Variants in DNM3 observed in about 807,000 individuals in gnomAD.
DNM3 encodes dynamin 3.
DNM3 carries 47 observed loss-of-function variants against 101.6 expected under a neutral mutation model. The observed-to-expected ratio is 0.46, with a 90% CI of 0.37 to 0.59. DNM3 has a LOEUF of 0.59. Among genes scored for constraint, DNM3 ranks in the 20% least tolerant of loss-of-function variants. The pLI, the probability that DNM3 is intolerant of heterozygous loss-of-function variation, is 0.00. For missense variants in DNM3, 849 were observed against 1,085.7 expected (o/e 0.78, Z 3.06); for synonymous variants, 385 against 387.9 (o/e 0.99, Z 0.09).
intron 16 of DNM3, among the ~76,000 whole-genome samples, chr1:172,318,021 T>A (rs1039631956): frequency 6.6e-6 from 1 of 152,098 alleles, no homozygotes; most frequent in African/African-American, 2.4e-5. Context: ...CAGCAGCACA[T>A]CAAAAAGCTT....
intron 1 of DNM3, among the ~76,000 whole-genome samples, chr1:171,911,575 G>A (rs1972340): frequency 0.27 from 40,458 of 152,092 alleles, 5,855 homozygotes; most frequent in Admixed American, 0.34. Flanking sequence ...GAGCCACTGT[G>A]CCTGGCCTCT....
At chr1:172,418,200 A>G in intron 20 of DNM3, 9 of 1,152,914 alleles carry the variant, frequency 7.8e-6, no homozygotes, top group Non-Finnish European at 1.0e-5. Flanking sequence ...GGTTTATTTT[A>G]TAATTTAAAC....
intron 17 of DNM3, among the ~76,000 whole-genome samples, chr1:172,349,315 A>T (rs995912448): frequency 1.3e-5 from 2 of 152,160 alleles, no homozygotes; most frequent in African/African-American, 4.8e-5. Context: ...CCTTTTGAGG[A>T]TTCTCGAAAT....
intron 10 of DNM3, among the ~76,000 whole-genome samples, chr1:172,059,924 C>A (rs1405640034): frequency 7.5e-6 from 1 of 132,732 alleles, no homozygotes; most frequent in Non-Finnish European, 1.6e-5. Flanking sequence ...TTGCAGACGA[C>A]ATGATTGTAT....
intron 16 of DNM3, among the ~76,000 whole-genome samples, chr1:172,319,418 C>T (rs965743944): frequency 6.6e-6 from 1 of 152,168 alleles, no homozygotes; most frequent in Non-Finnish European, 1.5e-5. Context: ...AGTTTCTGCA[C>T]AGCAAAAGAA....
At chr1:172,112,188 T>C (rs1255278435) in intron 13 of DNM3, among the ~76,000 whole-genome samples, 1 of 152,250 alleles carries the variant, frequency 6.6e-6, no homozygotes. Flanking sequence ...ATTTCTTACA[T>C]ACCAGCCTTG....
intron 2 of DNM3, among the ~76,000 whole-genome samples, chr1:171,961,249 A>C (rs752400867): frequency 6.6e-6 from 1 of 152,222 alleles, no homozygotes; most frequent in East Asian, 1.9e-4. Flanking sequence ...CCAGCAGTGC[A>C]CTCCAGCCTG....
At chr1:172,232,899 G>T (rs1266132304) in intron 14 of DNM3, among the ~76,000 whole-genome samples, 1 of 152,132 alleles carries the variant, frequency 6.6e-6, no homozygotes, top group African/African-American at 2.4e-5. Context: ...GTGTGTAGAG[G>T]GAAATTTATA....
Position 171,952,529 on chromosome 1 carries a change from C to T in DNM3, c.235+30708C>T, listed in dbSNP as rs139375447. Among the ~76,000 whole-genome samples, 659 of 152,216 alleles carry T rather than the reference C, an allele frequency of 4.3e-3. 4 individuals carry two copies. Among genetic ancestry groups the T allele is most frequent in the African/African-American group, 0.015 (608 of 41,524 alleles). Reference sequence around the variant, plus strand: ...ACATGTCCAACCTCCCTTTCCATCACGGCTGAGAATTCAAATTTTCAGGTT... The same window carrying T: ...ACATGTCCAACCTCCCTTTCCATCATGGCTGAGAATTCAAATTTTCAGGTT... On this transcript the variant is annotated intron_variant, in intron 2 of 20. Transcript: ENST00000627582.
chr1:171,917,808 G>A (rs2039836881), intron 1 of DNM3, among the ~76,000 whole-genome samples: 1 of 152,076 alleles, frequency 6.6e-6, no homozygotes, highest in Non-Finnish European at 1.5e-5. Context: ...TAAATCCAAA[G>A]TAATGCTAAA....
intron 11 of DNM3, among the ~76,000 whole-genome samples, chr1:172,073,276 T>A (rs960472195): frequency 1.1e-4 from 13 of 118,014 alleles, no homozygotes; most frequent in African/African-American, 4.2e-4. Flanking sequence ...TATATATGCT[T>A]ATATGTATAT....
intron 10 of DNM3, among the ~76,000 whole-genome samples, chr1:172,066,522 T>C (rs536582898): frequency 2.6e-5 from 4 of 152,202 alleles, no homozygotes; most frequent in South Asian, 2.1e-4. Flanking sequence ...CATTAGTCCA[T>C]GAATGGATTA....
intron 14 of DNM3, among the ~76,000 whole-genome samples, chr1:172,220,491 G>A (rs1168100570): frequency 2.0e-5 from 3 of 152,178 alleles, no homozygotes; most frequent in Non-Finnish European, 4.4e-5. Context: ...TGCACATGGG[G>A]GAGGCAGTGA....
chr1:172,083,494 C>T (rs148769881), intron 12 of DNM3, among the ~76,000 whole-genome samples: 226 of 152,194 alleles, frequency 1.5e-3, no homozygotes, highest in African/African-American at 5.3e-3. Flanking sequence ...TTACAAATGC[C>T]AGTTAGGTTC....
At chr1:172,350,391 A>G (rs553459520) in intron 17 of DNM3, among the ~76,000 whole-genome samples, 1 of 152,122 alleles carries the variant, frequency 6.6e-6, no homozygotes, top group East Asian at 1.9e-4. Context: ...GTGACTTAAT[A>G]TGCTGATGAA....
chr1:172,331,538 G>C (rs2066183252), intron 17 of DNM3, among the ~76,000 whole-genome samples: 1 of 152,096 alleles, frequency 6.6e-6, no homozygotes, highest in African/African-American at 2.4e-5. Flanking sequence ...TATTTCTTTT[G>C]ATTTCAGCCA....
At chr1:171,906,193 A>G (rs1277938801) in intron 1 of DNM3, among the ~76,000 whole-genome samples, 1 of 151,354 alleles carries the variant, frequency 6.6e-6, no homozygotes, top group East Asian at 1.9e-4. Flanking sequence ...AGTGGTGTGA[A>G]CATGGCTCAT....
intron 16 of DNM3, among the ~76,000 whole-genome samples, chr1:172,314,452 G>A (rs998704285): frequency 1.3e-5 from 2 of 152,214 alleles, no homozygotes; most frequent in African/African-American, 2.4e-5. Flanking sequence ...CACTCAGGAA[G>A]TGCAAGGGGT....
intron 15 of DNM3, among the ~76,000 whole-genome samples, chr1:172,263,860 G>C (rs754891241): frequency 6.6e-6 from 1 of 152,162 alleles, no homozygotes; most frequent in African/African-American, 2.4e-5. Flanking sequence ...GCAATCACTA[G>C]TGTGAGTGTC....
Sources: allele counts gnomAD v4.1 joint callset (sites outside exome capture counted in the v4.1 genomes callset), GRCh38; gene constraint gnomAD v4.1.1; transcripts MANE v1.5; gene names NCBI Gene and HGNC (gene_info 2026-07-23, HGNC 2026-07-21).